EGFLAM: variants seen among roughly 807,000 people sequenced by gnomAD.
The protein encoded by EGFLAM is pikachurin.
In EGFLAM, 79 loss-of-function variants were observed where a neutral mutation model predicts 113.1. The ratio of observed to expected loss-of-function variants is 0.70; its 90% confidence interval spans 0.58 to 0.84. The LOEUF is 0.84. EGFLAM is among the 40% of genes least tolerant of loss of function. The pLI is 0.00. For missense variants in EGFLAM, 1,265 were observed against 1,291.6 expected (o/e 0.98, Z 0.32); for synonymous variants, 504 against 487.6 (o/e 1.03, Z -0.44).
chr5:38,427,424 A>G (rs755217354), intron 14 of EGFLAM, 172 bp downstream of exon 14: 2 of 1,090,840 alleles, frequency 1.8e-6, no homozygotes, highest in Non-Finnish European at 2.6e-6. Context: ...CAGGCTTCCT[A>G]TAGAGAGTGC....
intron 15 of EGFLAM, among the ~76,000 whole-genome samples, chr5:38,432,099 A>AAC (rs1742206950): frequency 6.6e-6 from 1 of 152,214 alleles, no homozygotes; most frequent in South Asian, 2.1e-4. Flanking sequence ...GGATTCTGCG[A>AAC]ACACACACAC....
intron 9 of EGFLAM, among the ~76,000 whole-genome samples, chr5:38,408,186 T>C (rs958348394): frequency 6.6e-6 from 1 of 152,202 alleles, no homozygotes; most frequent in African/African-American, 2.4e-5. Flanking sequence ...GTCCGAGCAA[T>C]GTTGTTCACA....
At chr5:38,310,818 G>C (rs1162079773) in intron 1 of EGFLAM, among the ~76,000 whole-genome samples, 1 of 152,080 alleles carries the variant, frequency 6.6e-6, no homozygotes, top group Non-Finnish European at 1.5e-5. Context: ...AGCCAGTTTG[G>C]CCAATAAACT....
intron 15 of EGFLAM, among the ~76,000 whole-genome samples, chr5:38,433,287 G>C (rs771938418): frequency 2.0e-4 from 30 of 152,182 alleles, no homozygotes; most frequent in Admixed American, 4.6e-4. Context: ...TCAGCTGGCA[G>C]CTCTGAGAAA....
At chr5:38,440,521 A>C (rs1742499411) in intron 17 of EGFLAM, among the ~76,000 whole-genome samples, 1 of 152,208 alleles carries the variant, frequency 6.6e-6, no homozygotes, top group African/African-American at 2.4e-5. Flanking sequence ...AAAGGAAAAG[A>C]GATGGGCGAT....
intron 3 of EGFLAM, 89 bp downstream of exon 3, chr5:38,338,870 G>A: frequency 2.0e-6 from 2 of 1,020,516 alleles, no homozygotes; most frequent in South Asian, 2.7e-5. Context: ...TACTGTACAT[G>A]TAATAATAAT....
chr5:38,352,101 G>T (rs544667729), intron 4 of EGFLAM, 95 bp from the exon 5 acceptor site: 4 of 1,552,600 alleles, frequency 2.6e-6, no homozygotes, highest in Non-Finnish European at 3.5e-6. Context: ...TATATTAAAC[G>T]TCTCCAATGG....
At chr5:38,358,752 C>A (rs965437849) in intron 5 of EGFLAM, among the ~76,000 whole-genome samples, 5 of 152,068 alleles carry the variant, frequency 3.3e-5, no homozygotes. Flanking sequence ...CATGATCCCC[C>A]CCAAAGTTGG....
At chr5:38,283,967 G>C (rs1185146515) in intron 1 of EGFLAM, 1 of 152,350 alleles carries the variant, frequency 6.6e-6, no homozygotes, top group Non-Finnish European at 1.5e-5. Context: ...TCTGTGGGAG[G>C]CACCAGCTTG....
intron 6 of EGFLAM, among the ~76,000 whole-genome samples, chr5:38,398,713 G>A (rs1480961955): frequency 6.6e-6 from 1 of 152,212 alleles, no homozygotes; most frequent in African/African-American, 2.4e-5. Flanking sequence ...CAAGCTTGCA[G>A]GGCCAAGTCA....
intron 1 of EGFLAM, among the ~76,000 whole-genome samples, chr5:38,335,123 C>A (rs946784077): frequency 6.6e-6 from 1 of 152,016 alleles, no homozygotes; most frequent in Non-Finnish European, 1.5e-5. Flanking sequence ...AAGAATTTAC[C>A]CAAATAAATA....
chr5:38,425,132 G>A, intron 13 of EGFLAM, 40 bp downstream of exon 13: 1 of 1,602,538 alleles, frequency 6.2e-7, no homozygotes, highest in Non-Finnish European at 8.5e-7. Flanking sequence ...CTATCTGCAT[G>A]TTAATTTGTG....
At chr5:38,322,446 T>C (rs1351474050) in intron 1 of EGFLAM, among the ~76,000 whole-genome samples, 1 of 152,160 alleles carries the variant, frequency 6.6e-6, no homozygotes, top group Non-Finnish European at 1.5e-5. Context: ...AAACTGGTCC[T>C]TCTAAAACAG....
intron 2 of EGFLAM, among the ~76,000 whole-genome samples, chr5:38,338,274 C>T (rs192246453): frequency 6.6e-6 from 1 of 152,234 alleles, no homozygotes. Context: ...CCGGTACCAC[C>T]CCAATCCCAC....
At chr5:38,393,427 A>G (rs567850015) in intron 6 of EGFLAM, among the ~76,000 whole-genome samples, 2 of 152,258 alleles carry the variant, frequency 1.3e-5, no homozygotes, top group Admixed American at 1.3e-4. Flanking sequence ...AGGGAACTGG[A>G]GTGGTTCGTT....
intron 5 of EGFLAM, among the ~76,000 whole-genome samples, chr5:38,369,241 C>T (rs1190291010): frequency 2.6e-5 from 4 of 152,174 alleles, no homozygotes; most frequent in African/African-American, 9.7e-5. Context: ...TATTTTAACC[C>T]ACTGTATCCA....
chr5:38,409,974 C>CA (rs1381237126), intron 10 of EGFLAM, among the ~76,000 whole-genome samples: 5 of 152,132 alleles, frequency 3.3e-5, no homozygotes, highest in African/African-American at 1.2e-4. Context: ...TTCTCCGTGG[C>CA]GCACTGGCTG....
chr5:38,371,881 C>T (rs1337196831), intron 6 of EGFLAM, among the ~76,000 whole-genome samples: 2 of 152,108 alleles, frequency 1.3e-5, no homozygotes, highest in East Asian at 3.9e-4. Context: ...TACTTTGAAA[C>T]ACTGAGTTCG....
In EGFLAM at chr5:38,454,059, C is replaced by G. The variant is rs1419491886; in HGVS notation, c.2687+2601C>G. Among the ~76,000 whole-genome samples, 5 of 152,196 alleles carry G rather than the reference C, an allele frequency of 3.3e-5. No homozygotes were observed. The East Asian group carries it at 9.6e-4, about 29-fold the overall frequency. ...TCTGTGTAAGACACACTGCTGAACC[C>G]AGGCCGAGGTCGACTTCTGTGCCTG... On this transcript the variant is annotated intron_variant, in intron 19 of 21. Coordinates refer to ENST00000322350, the MANE Select transcript of EGFLAM (RefSeq NM_152403.4).
Sources: allele counts gnomAD v4.1 joint callset (sites outside exome capture counted in the v4.1 genomes callset), GRCh38; gene constraint gnomAD v4.1.1; transcripts MANE v1.5; gene names NCBI Gene and HGNC (gene_info 2026-07-23, HGNC 2026-07-21).